PLEKHA5: variants seen among roughly 807,000 people sequenced by gnomAD.
PLEKHA5 encodes pleckstrin homology domain-containing family A member 5.
In PLEKHA5, 55 loss-of-function variants were observed where a neutral mutation model predicts 181.9. That is an observed-to-expected ratio of 0.30 (90% CI 0.24 to 0.38). The LOEUF is 0.38. Ranked by LOEUF, PLEKHA5 falls within the 10% of genes least tolerant of loss-of-function variation. The pLI is 1.00. For missense variants in PLEKHA5, 1,432 were observed against 1,549.5 expected (o/e 0.92, Z 1.27); for synonymous variants, 535 against 529.4 (o/e 1.01, Z -0.15).
chr12:19,375,118 G>T (rs1295982573), intron 31 of PLEKHA5, among the ~76,000 whole-genome samples: 2 of 151,738 alleles, frequency 1.3e-5, no homozygotes, highest in Non-Finnish European at 2.9e-5. Context: ...GAGGCCAGGG[G>T]TTCGAGACCA....
intron 21 of PLEKHA5, among the ~76,000 whole-genome samples, chr12:19,339,498 T>A (rs1182853973): frequency 3.3e-5 from 5 of 152,172 alleles, no homozygotes; most frequent in Non-Finnish European, 7.4e-5. Flanking sequence ...AGAGAAGACC[T>A]GAATTAATGG....
intron 3 of PLEKHA5, among the ~76,000 whole-genome samples, chr12:19,135,770 G>A (rs989555975): frequency 6.6e-6 from 1 of 151,710 alleles, no homozygotes; most frequent in East Asian, 1.9e-4. Context: ...TTTGAAATTG[G>A]TTCTTTAATA....
At chr12:19,334,829 A>AAAATATATATATATAT in intron 20 of PLEKHA5, among the ~76,000 whole-genome samples, 2 of 18,602 alleles carry the variant, frequency 1.1e-4, no homozygotes, top group African/African-American at 2.4e-4. Context: ...AAAAAAAAAA[A>AAAATATATATATATAT]ATATATATAT....
Position 19,132,773 on chromosome 12 carries a change from C to CTTT in PLEKHA5, c.227+340_227+342dup, listed in dbSNP as rs59992820. ...TTCATCAGAATATGACCACAATTACCTTTTTTTTTTTTTTTTTTTGGTGCT... is the reference window on the plus strand; with the variant it reads ...TTCATCAGAATATGACCACAATTACCTTTTTTTTTTTTTTTTTTTTTTGGTGCT... On this transcript the variant is annotated intron_variant, in intron 3 of 31. Transcript: ENST00000429027. Among the ~76,000 whole-genome samples the CTTT allele has an allele frequency of 2.4e-3, 267 of 112,100 alleles. 9 individuals carry two copies. The highest frequency in any genetic ancestry group is 0.015 in the Admixed American group (145 of 9,438). The allele number at this position is 112,100 out of a possible 152,430, so 73.5% of individuals were successfully genotyped here.
intron 3 of PLEKHA5, chr12:19,151,321 G>A (rs1188217611): frequency 6.6e-6 from 1 of 152,216 alleles, no homozygotes; most frequent in Non-Finnish European, 1.5e-5. Flanking sequence ...GACTAGGTCA[G>A]GGATGGAAAA....
intron 3 of PLEKHA5, among the ~76,000 whole-genome samples, chr12:19,233,209 G>T (rs1442906857): frequency 2.0e-5 from 3 of 152,018 alleles, no homozygotes; most frequent in African/African-American, 7.2e-5. Flanking sequence ...CAAAATAAAT[G>T]AATTTGGAAA....
Position 19,287,535 on chromosome 12 carries a change from C to G in PLEKHA5, c.1842C>G (p.Pro614=), listed in dbSNP as rs747466233. Residue 614 remains proline (P), a synonymous_variant, in exon 13 of 32, where the codon CCC becomes CCG. Coordinates refer to ENST00000429027, the MANE Select transcript of PLEKHA5 (RefSeq NM_001256470.2). ...PAGLTLQSVS[P]QSLQGKTPEE... is the part of the protein sequence containing the mutation. ...GCCTGACTTTACAGTCTGTTAGTCCCCAGAGCCTCCAAGGGAAAACGGTGA... is the reference window on the plus strand; with the variant it reads ...GCCTGACTTTACAGTCTGTTAGTCCGCAGAGCCTCCAAGGGAAAACGGTGA... The G allele has an allele frequency of 4.4e-6, 7 of 1,600,716 alleles. No homozygotes were observed. The South Asian group carries it at 6.6e-5, about 15-fold the overall frequency.
chr12:19,205,024 A>G (rs930501545), intron 3 of PLEKHA5, among the ~76,000 whole-genome samples: 3 of 152,138 alleles, frequency 2.0e-5, no homozygotes, highest in African/African-American at 7.2e-5. Flanking sequence ...AGTTAATTCT[A>G]TATTGAAACC....
At chr12:19,332,148 CCTG>C (rs2092909538) in intron 20 of PLEKHA5, among the ~76,000 whole-genome samples, 2 of 151,762 alleles carry the variant, frequency 1.3e-5, no homozygotes, top group African/African-American at 4.8e-5. Flanking sequence ...GTGGTGCAAA[CCTG>C]TAGTCCTAGC....
intron 3 of PLEKHA5, among the ~76,000 whole-genome samples, chr12:19,135,430 A>G (rs2035324092): frequency 6.6e-6 from 1 of 152,088 alleles, no homozygotes; most frequent in Non-Finnish European, 1.5e-5. Flanking sequence ...TGAATTTTGT[A>G]CTGTTCTGGG....
At chr12:19,320,192 A>G (rs1259149908) in intron 17 of PLEKHA5, 136 bp downstream of exon 17, 2 of 404,370 alleles carry the variant, frequency 4.9e-6, no homozygotes, top group Admixed American at 4.5e-5. Context: ...CTGTTGAACT[A>G]TGCTTAATTT....
intron 15 of PLEKHA5, among the ~76,000 whole-genome samples, chr12:19,308,480 G>A (rs1345034619): frequency 6.6e-6 from 1 of 152,092 alleles, no homozygotes; most frequent in Non-Finnish European, 1.5e-5. Flanking sequence ...TTTACTATTG[G>A]CGCTGCTTCA....
At chr12:19,192,222 A>G (rs1464592875) in intron 3 of PLEKHA5, among the ~76,000 whole-genome samples, 2 of 152,200 alleles carry the variant, frequency 1.3e-5, no homozygotes, top group Non-Finnish European at 2.9e-5. Flanking sequence ...ATTACAGAGA[A>G]GTGCTGACAT....
At chr12:19,166,732 A>G (rs1475903813) in intron 3 of PLEKHA5, among the ~76,000 whole-genome samples, 5 of 152,218 alleles carry the variant, frequency 3.3e-5, no homozygotes, top group Admixed American at 3.3e-4. Context: ...AGAAAACCCT[A>G]TATATTTCAC....
chr12:19,235,292 G>A (rs560042133), intron 3 of PLEKHA5, among the ~76,000 whole-genome samples: 25 of 152,226 alleles, frequency 1.6e-4, no homozygotes, highest in Non-Finnish European at 2.9e-4. Context: ...GTTATGTTGC[G>A]TGCTAGATTT....
At chr12:19,156,524 C>T (rs2041764249) in intron 3 of PLEKHA5, among the ~76,000 whole-genome samples, 1 of 151,828 alleles carries the variant, frequency 6.6e-6, no homozygotes, top group South Asian at 2.1e-4. Flanking sequence ...TTACTGTGAT[C>T]ACCTTACTCT....
chr12:19,314,947 G>T, intron 16 of PLEKHA5, 53 bp downstream of exon 16: 1 of 895,360 alleles, frequency 1.1e-6, no homozygotes. Context: ...AAATCCCTCA[G>T]TGACAGTTTT....
chr12:19,306,566 C>G, intron 15 of PLEKHA5: 1 of 773,170 alleles, frequency 1.3e-6, no homozygotes, highest in Non-Finnish European at 2.4e-6. Flanking sequence ...TACCATCGTC[C>G]CCAGCACTGC....
chr12:19,316,144 A>G (rs10743315), intron 16 of PLEKHA5, among the ~76,000 whole-genome samples: 109,721 of 151,804 alleles, frequency 0.72, 42,035 homozygotes, highest in Non-Finnish European at 0.86. Flanking sequence ...TACCTTCTGC[A>G]GTGTCTGAAG....
Sources: allele counts gnomAD v4.1 joint callset (sites outside exome capture counted in the v4.1 genomes callset), GRCh38; gene constraint gnomAD v4.1.1; transcripts MANE v1.5; gene names NCBI Gene and HGNC (gene_info 2026-07-23, HGNC 2026-07-21).